STRBP: variants seen among roughly 807,000 people sequenced by gnomAD.
The protein encoded by STRBP is spermatid perinuclear RNA binding protein, also known as spermatid perinuclear RNA-binding protein.
A neutral mutation model predicts 80.1 loss-of-function variants in STRBP; 13 were observed. That is an observed-to-expected ratio of 0.16 (90% CI 0.11 to 0.26). The LOEUF (loss-of-function observed/expected upper bound fraction) is 0.26. Ranked by LOEUF, STRBP falls within the 10% of genes least tolerant of loss-of-function variation. The pLI, the probability that STRBP is intolerant of heterozygous loss-of-function variation, is 1.00. For synonymous variants in STRBP, 284 were observed against 291.2 expected, an observed-to-expected ratio of 0.98 and a Z score of 0.25; for missense variants, 485 against 815.2, an observed-to-expected ratio of 0.59 and a Z score of 4.93.
chr9:123,139,486 G>A (rs767647404), intron 14 of STRBP, 43 bp downstream of exon 14: 3 of 1,455,992 alleles, frequency 2.1e-6, no homozygotes. Context: ...TTCCTACAAT[G>A]CACATATATG....
At position 123,122,358 on chromosome 9, in the gene STRBP, T is replaced by A; in HGVS notation, c.*3239A>T. ...TACACAGAGGGTCCAACACCAGTTT[T>A]AAAAATACATTAACGAGGTATTCCC... On this transcript the variant is annotated 3_prime_UTR_variant, in exon 19 of 19. Coordinates refer to ENST00000348403, the MANE Select transcript of STRBP (RefSeq NM_018387.5). 4 of 1,287,254 alleles carry A rather than the reference T, an allele frequency of 3.1e-6. No homozygotes were observed. Among genetic ancestry groups the A allele is most frequent in the Non-Finnish European group, 3.0e-6 (3 of 988,150 alleles). The allele number at this position is 1,287,254 out of a possible 1,614,324, so 79.7% of individuals were successfully genotyped here. A position where few individuals can be genotyped will look rare whatever the true frequency, so the allele number is the denominator to read the frequency against.
rs987873935 is a variant in STRBP at position 123,231,549 on chromosome 9, T to G, written c.-165+5281A>C. 5.3e-5 allele frequency among the ~76,000 whole-genome samples: 8 copies of G among 152,212 alleles called. No individual in the cohort carries two copies. In the East Asian group the frequency reaches 1.5e-3, roughly 29 times the overall value. ...CCCATATTTCTTATCTTGGCTAGTA[T>G]ACCAATTAATCCAGTTACTCAAGTC... On this transcript the variant is annotated intron_variant, in intron 2 of 18. Transcript: ENST00000348403.
At chr9:123,121,573 T>G (rs1041522827), downstream of STRBP, 1 of 152,104 alleles carries the variant, frequency 6.6e-6, no homozygotes, top group Admixed American at 6.5e-5. Context: ...CTTAGCTCAG[T>G]CAATTATATA....
At chr9:123,219,024 G>C (rs939042916) in intron 2 of STRBP, among the ~76,000 whole-genome samples, 5 of 152,084 alleles carry the variant, frequency 3.3e-5, no homozygotes, top group African/African-American at 9.7e-5. Flanking sequence ...AAGTGACAAA[G>C]TCATAATTGA....
chr9:123,195,854 A>G (rs966854720), intron 2 of STRBP, among the ~76,000 whole-genome samples: 1 of 152,230 alleles, frequency 6.6e-6, no homozygotes, highest in African/African-American at 2.4e-5. Context: ...ATAAAATCCT[A>G]AAATTTACAC....
intron 2 of STRBP, among the ~76,000 whole-genome samples, chr9:123,230,892 G>T (rs1325004240): frequency 6.6e-6 from 1 of 151,942 alleles, no homozygotes; most frequent in Non-Finnish European, 1.5e-5. Context: ...ATTAGTAGGG[G>T]GAAAGCACAG....
At chr9:123,219,826 A>G (rs562117606) in intron 2 of STRBP, among the ~76,000 whole-genome samples, 1 of 152,348 alleles carries the variant, frequency 6.6e-6, no homozygotes, top group Non-Finnish European at 1.5e-5. Context: ...TTTAAATGAG[A>G]GAAAAAAGAC....
intron 14 of STRBP, among the ~76,000 whole-genome samples, chr9:123,138,070 G>A (rs1461048063): frequency 2.0e-5 from 3 of 152,054 alleles, no homozygotes; most frequent in African/African-American, 4.8e-5. Context: ...TATTTTAAAC[G>A]AAGAAATAAA....
intron 2 of STRBP, among the ~76,000 whole-genome samples, chr9:123,216,787 A>C (rs977869202): frequency 1.3e-5 from 2 of 152,228 alleles, no homozygotes; most frequent in African/African-American, 4.8e-5. Flanking sequence ...TGTTCCATAG[A>C]GTGTACAGGA....
chr9:123,206,071 G>A (rs916966231), intron 2 of STRBP, among the ~76,000 whole-genome samples: 19 of 152,138 alleles, frequency 1.2e-4, no homozygotes, highest in East Asian at 5.8e-4. Context: ...GACTCCTAAC[G>A]TGTTCGCCAA....
chr9:123,136,143 T>C lies in STRBP; in HGVS notation c.1671A>G (p.Pro557=). Residue 557 remains proline, a synonymous_variant, in exon 16 of 19, where the codon CCA becomes CCG. Transcript: ENST00000348403. This position sits in a 1 kb window ranked among gnomAD's most constrained non-coding sequence, Gnocchi z 4.2. ...CACTCGCCTTTGCCACTTTCTTATT[T>C]GGACCTGCGCCTCTGAATTTCTGTC... ...VDGQKFRGAG[P]NKKVAKASAA... The C allele has an allele frequency of 1.2e-6, 2 of 1,614,246 alleles. No homozygotes were observed. Among genetic ancestry groups the C allele is most frequent in the Non-Finnish European group, 1.7e-6 (2 of 1,180,024 alleles).
At chr9:123,202,459 T>TATCCACTAAGTTATCC (rs1480127055) in intron 2 of STRBP, among the ~76,000 whole-genome samples, 1 of 152,226 alleles carries the variant, frequency 6.6e-6, no homozygotes, top group Admixed American at 6.5e-5. Flanking sequence ...CTCCTTCATT[T>TATCCACTAAGTTATCC]ACAAAACTTA....
rs1335992336 is a variant in STRBP, at chr9:123,171,603, T to C, written c.391-1557A>G. ...GTATATATGTGGGCATGTGTGTACA[T>C]GTATACATTTTAATCTGAGATTAGT... On this transcript the variant is annotated intron_variant, in intron 5 of 18. Transcript: ENST00000348403. 2.6e-5 allele frequency among the ~76,000 whole-genome samples: 4 copies of C among 152,228 alleles called. 1 individual carries two copies. The highest frequency in any genetic ancestry group is 3.8e-4 in the East Asian group (2 of 5,202).
chr9:123,168,268 AAATT>A, intron 6 of STRBP: 1 of 979,948 alleles, frequency 1.0e-6, no homozygotes, highest in Non-Finnish European at 1.2e-6. Flanking sequence ...GCTGTTAAAA[AAATT>A]AAGCCATTTA....
intron 2 of STRBP, among the ~76,000 whole-genome samples, chr9:123,208,383 T>C (rs1034157901): frequency 1.3e-5 from 2 of 152,206 alleles, no homozygotes; most frequent in Non-Finnish European, 2.9e-5. Flanking sequence ...AAGTTCTGCT[T>C]TCTCCGCAGA....
intron 2 of STRBP, among the ~76,000 whole-genome samples, chr9:123,195,668 T>G (rs1417013427): frequency 6.6e-6 from 1 of 152,106 alleles, no homozygotes; most frequent in Non-Finnish European, 1.5e-5. Context: ...CAATGAAAAC[T>G]ATAAAGTGCT....
intron 2 of STRBP, among the ~76,000 whole-genome samples, chr9:123,235,875 A>C (rs958994907): frequency 5.3e-5 from 8 of 152,202 alleles, no homozygotes; most frequent in Admixed American, 4.6e-4. Context: ...AGAACACCAG[A>C]ATGAGTTTGC....
intron 2 of STRBP, among the ~76,000 whole-genome samples, chr9:123,200,940 A>G (rs937222438): frequency 6.7e-6 from 1 of 150,238 alleles, no homozygotes; most frequent in Non-Finnish European, 1.5e-5. Context: ...TCAAGGTTTT[A>G]TTTCTTCCTG....
chr9:123,114,799 C>T (rs975620479), intron 3 of STRBP: 10 of 225,964 alleles, frequency 4.4e-5, no homozygotes, highest in East Asian at 3.9e-4. Flanking sequence ...GCAGGTCCCC[C>T]GCCCCCGGAT....
Sources: gnomAD v4.1 joint callset for allele counts (sites outside exome capture counted in the v4.1 genomes callset) on GRCh38, gnomAD v4.1.1 for gene constraint, Gnocchi (gnomAD v3.1) non-coding constraint, MANE v1.5 for transcripts, NCBI Gene and HGNC (gene_info 2026-07-23, HGNC 2026-07-21) for gene names.